SPON1: variants seen among roughly 807,000 people sequenced by gnomAD.
The protein encoded by SPON1 is spondin 1.
A neutral mutation model predicts 111.7 loss-of-function variants in SPON1; 52 were observed. The observed-to-expected ratio is 0.47, with a 90% CI of 0.37 to 0.59. The LOEUF is 0.59. Among genes scored for constraint, SPON1 ranks in the 20% least tolerant of loss-of-function variants. The pLI is 0.00. For missense variants in SPON1, 957 were observed against 1,068.5 expected, an observed-to-expected ratio of 0.90 and a Z score of 1.46; for synonymous variants, 410 against 395.8, an observed-to-expected ratio of 1.04 and a Z score of -0.43.
chr11:14,109,048 A>C (rs1174345033), intron 5 of SPON1, among the ~76,000 whole-genome samples: 2 of 152,194 alleles, frequency 1.3e-5, no homozygotes, highest in Admixed American at 1.3e-4. Flanking sequence ...CCAGTCTTAC[A>C]TGGTCTTCGT....
chr11:14,060,367 G>A (rs1168398069), intron 3 of SPON1, among the ~76,000 whole-genome samples: 1 of 152,174 alleles, frequency 6.6e-6, no homozygotes, highest in Admixed American at 6.5e-5. Flanking sequence ...CTTGACAAAT[G>A]GAAGGCAGGA....
chr11:14,165,792 A>G (rs1400677172), intron 6 of SPON1, among the ~76,000 whole-genome samples: 1 of 152,202 alleles, frequency 6.6e-6, no homozygotes, highest in Admixed American at 6.5e-5. Flanking sequence ...TTGTTTACAA[A>G]ATAAACTTTA....
chr11:14,164,482 CTT>C (rs1554931695), intron 6 of SPON1, among the ~76,000 whole-genome samples: 1 of 152,176 alleles, frequency 6.6e-6, no homozygotes, highest in Non-Finnish European at 1.5e-5. Flanking sequence ...GCATGCCCCT[CTT>C]TGTCTTCTGG....
chr11:13,983,677 C>G (rs145316054), intron 2 of SPON1, among the ~76,000 whole-genome samples: 2 of 152,160 alleles, frequency 1.3e-5, no homozygotes, highest in African/African-American at 4.8e-5. Context: ...AGAAAAGAGC[C>G]GGCAAGTTGT....
intron 2 of SPON1, among the ~76,000 whole-genome samples, chr11:14,039,530 T>G (rs1848617987): frequency 6.6e-6 from 1 of 152,108 alleles, no homozygotes; most frequent in African/African-American, 2.4e-5. Context: ...AAAATAAAAT[T>G]TATTAATGTT....
intron 6 of SPON1, among the ~76,000 whole-genome samples, chr11:14,179,503 C>A (rs955764195): frequency 4.6e-5 from 7 of 152,120 alleles, no homozygotes; most frequent in Non-Finnish European, 1.0e-4. Context: ...GTCATTTCCT[C>A]TGTCCTGCCT....
intron 6 of SPON1, among the ~76,000 whole-genome samples, chr11:14,172,203 G>T (rs373227791): frequency 1.5e-4 from 23 of 151,722 alleles, no homozygotes; most frequent in Non-Finnish European, 2.5e-4. Context: ...ATATTTAGGA[G>T]AGTTAGCTCT....
At chr11:14,260,188 C>T (rs1182527237) in intron 13 of SPON1, among the ~76,000 whole-genome samples, 1 of 152,196 alleles carries the variant, frequency 6.6e-6, no homozygotes. Flanking sequence ...CAAGTATATA[C>T]ACATTCTAGG....
chr11:14,238,919 G>C (rs1487269395), intron 6 of SPON1, among the ~76,000 whole-genome samples: 1 of 152,204 alleles, frequency 6.6e-6, no homozygotes, highest in African/African-American at 2.4e-5. Flanking sequence ...TGTTTGAAAA[G>C]GGTCCTGTGG....
intron 6 of SPON1, among the ~76,000 whole-genome samples, chr11:14,180,622 A>G (rs7116743): frequency 0.4 from 60,970 of 152,058 alleles, 12,359 homozygotes; most frequent in East Asian, 0.55. Flanking sequence ...GACCTGACAT[A>G]TCTTATGCTT....
At chr11:13,967,174 C>T (rs1848024067) in intron 1 of SPON1, among the ~76,000 whole-genome samples, 1 of 152,144 alleles carries the variant, frequency 6.6e-6, no homozygotes, top group African/African-American at 2.4e-5. Flanking sequence ...CTGTCTGACT[C>T]CTAAATCTGT....
At chr11:13,963,202 C>A in intron 1 of SPON1, 60 bp downstream of exon 1, 1 of 1,321,988 alleles carries the variant, frequency 7.6e-7, no homozygotes, top group Non-Finnish European at 1.0e-6. Flanking sequence ...AGGGCGCCGA[C>A]CTCGCGGTGC....
chr11:14,054,584 A>G (rs987705322), intron 3 of SPON1, among the ~76,000 whole-genome samples: 1 of 151,230 alleles, frequency 6.6e-6, no homozygotes, highest in Admixed American at 6.6e-5. Context: ...TTTTCCTCCT[A>G]AAGTCAGAGG....
intron 1 of SPON1, among the ~76,000 whole-genome samples, chr11:13,982,038 T>C (rs1233648505): frequency 1.3e-5 from 2 of 152,234 alleles, no homozygotes; most frequent in Non-Finnish European, 2.9e-5. Flanking sequence ...AAACTATCAA[T>C]TGGAAAATTC....
intron 3 of SPON1, 46 bp downstream of exon 3, chr11:14,041,700 T>C: frequency 6.3e-7 from 1 of 1,593,222 alleles, no homozygotes. Context: ...AAAGACTTTG[T>C]GGTGTGATTG....
At chr11:14,147,119 T>C (rs1043911284) in intron 6 of SPON1, among the ~76,000 whole-genome samples, 1 of 126,430 alleles carries the variant, frequency 7.9e-6, no homozygotes, top group Non-Finnish European at 1.6e-5. Flanking sequence ...AGCCTCCACC[T>C]CCCGGGTTCA....
chr11:14,161,507 C>T (rs1013303281), intron 6 of SPON1, among the ~76,000 whole-genome samples: 20 of 150,848 alleles, frequency 1.3e-4, no homozygotes, highest in Non-Finnish European at 2.5e-4. Flanking sequence ...TTAGTAGAGA[C>T]GGGCTTTCCG....
At chr11:14,130,220 T>C (rs951866318) in intron 5 of SPON1, among the ~76,000 whole-genome samples, 33 of 152,086 alleles carry the variant, frequency 2.2e-4, no homozygotes, top group Admixed American at 1.4e-3. Context: ...CCAGAACACA[T>C]GTTCATCTCC....
At chr11:14,208,684 G>A (rs72861672) in intron 6 of SPON1, among the ~76,000 whole-genome samples, 6,810 of 152,186 alleles carry the variant, frequency 0.045, 233 homozygotes, top group Non-Finnish European at 0.068. Context: ...TTTGGCACAT[G>A]TTTAATAAAT....
Sources: allele counts gnomAD v4.1 joint callset (sites outside exome capture counted in the v4.1 genomes callset), GRCh38; gene constraint gnomAD v4.1.1; transcripts MANE v1.5; gene names NCBI Gene and HGNC (gene_info 2026-07-23, HGNC 2026-07-21).